NFIA: variants seen among roughly 807,000 people sequenced by gnomAD.
NFIA encodes nuclear factor 1 A-type.
NFIA carries 8 observed loss-of-function variants against 62.8 expected under a neutral mutation model. That is an observed-to-expected ratio of 0.13 (90% CI 0.07 to 0.23). NFIA has a LOEUF of 0.23. Ranked by LOEUF, NFIA falls within the 10% of genes least tolerant of loss-of-function variation. The pLI is 1.00. For synonymous variants in NFIA, 235 were observed against 238.1 expected, an observed-to-expected ratio of 0.99 and a Z score of 0.12; for missense variants, 410 against 642.1, an observed-to-expected ratio of 0.64 and a Z score of 3.91.
intron 9 of NFIA, among the ~76,000 whole-genome samples, chr1:61,424,255 G>A (rs927152028): frequency 2.6e-5 from 4 of 152,024 alleles, no homozygotes; most frequent in Non-Finnish European, 5.9e-5. Flanking sequence ...TTGAGGTTAA[G>A]CAAAAATAGG....
At chr1:61,228,842 A>G (rs545736997) in intron 2 of NFIA, among the ~76,000 whole-genome samples, 2 of 152,234 alleles carry the variant, frequency 1.3e-5, no homozygotes, top group East Asian at 3.9e-4. Context: ...TTTGCTCTCT[A>G]ATGTTTATTA....
intron 6 of NFIA, among the ~76,000 whole-genome samples, chr1:61,361,782 GGTGT>G (rs61410878): frequency 0.18 from 26,030 of 141,982 alleles, 2,525 homozygotes; most frequent in Non-Finnish European, 0.22. Flanking sequence ...TTTGGTAAGA[GGTGT>G]GTGTGTGTGT....
intron 6 of NFIA, among the ~76,000 whole-genome samples, chr1:61,366,803 A>G (rs1050406949): frequency 1.4e-4 from 21 of 152,082 alleles, no homozygotes; most frequent in Admixed American, 6.6e-5. Flanking sequence ...CCCTCCTGTA[A>G]TCCCAGCTAC....
chr1:61,251,439 A>G (rs1656032715), intron 2 of NFIA: 1 of 152,164 alleles, frequency 6.6e-6, no homozygotes, highest in Admixed American at 6.5e-5. Flanking sequence ...AAATCACTTT[A>G]TTTTTATTGC....
chr1:61,101,786 A>T (rs572626181), intron 2 of NFIA, among the ~76,000 whole-genome samples: 1 of 152,326 alleles, frequency 6.6e-6, no homozygotes, highest in African/African-American at 2.4e-5. Context: ...TTATTAAAAG[A>T]AAAGAGATAC....
At chr1:61,326,808 G>T (rs1276519778) in intron 3 of NFIA, among the ~76,000 whole-genome samples, 1 of 152,136 alleles carries the variant, frequency 6.6e-6, no homozygotes, top group Non-Finnish European at 1.5e-5. Flanking sequence ...GGTTAAGCTA[G>T]GAGTAGGAAG....
intron 3 of NFIA, among the ~76,000 whole-genome samples, chr1:61,318,072 T>C (rs72666617): frequency 0.027 from 4,103 of 152,238 alleles, 142 homozygotes; most frequent in Non-Finnish European, 0.036. Flanking sequence ...TATAGATCCC[T>C]TTACAAGAGA....
intron 6 of NFIA, among the ~76,000 whole-genome samples, chr1:61,360,177 A>G (rs1396387026): frequency 6.6e-6 from 1 of 152,202 alleles, no homozygotes; most frequent in African/African-American, 2.4e-5. Context: ...CTCCTGGGGT[A>G]GTCTAATCTT....
chr1:61,383,368 G>A lies in NFIA; in HGVS notation c.1075+3G>A, dbSNP rs776230155. The A allele has an allele frequency of 6.2e-7, 1 of 1,613,730 alleles. No homozygotes were observed. The highest frequency in any genetic ancestry group is 1.1e-5 in the South Asian group (1 of 91,038). ...ACCTGTCATTACAGGACCCAGAGGT[G>A]AGCTGCTCCACAGGCACCCTTGGTT... is the stretch of plus-strand genomic sequence containing the variant. On this transcript the variant is annotated splice_donor_region_variant and intron_variant, in intron 7 of 10. Coordinates refer to ENST00000403491, the MANE Select transcript of NFIA (RefSeq NM_001134673.4).
chr1:61,131,710 G>C (rs1242677710), intron 2 of NFIA, among the ~76,000 whole-genome samples: 2 of 152,072 alleles, frequency 1.3e-5, no homozygotes, highest in African/African-American at 4.8e-5. Context: ...GCTACTCTAT[G>C]ATAACTATGT....
chr1:61,125,899 G>A (rs1402551526), intron 2 of NFIA, among the ~76,000 whole-genome samples: 1 of 152,150 alleles, frequency 6.6e-6, no homozygotes, highest in Non-Finnish European at 1.5e-5. Context: ...TACCCTGAAA[G>A]CCTCTGCTTA....
intron 1 of NFIA, among the ~76,000 whole-genome samples, chr1:61,087,936 T>C (rs1646247422): frequency 6.6e-6 from 1 of 152,164 alleles, no homozygotes; most frequent in South Asian, 2.1e-4. Flanking sequence ...TCAGCAGTTT[T>C]TTTATTTCCG....
At chr1:61,178,437 G>A (rs1650541908) in intron 2 of NFIA, among the ~76,000 whole-genome samples, 1 of 152,064 alleles carries the variant, frequency 6.6e-6, no homozygotes, top group African/African-American at 2.4e-5. Context: ...TTTTCCAAAT[G>A]CCTTAAAAAA....
intron 10 of NFIA, among the ~76,000 whole-genome samples, chr1:61,433,497 T>A (rs1463988932): frequency 6.6e-6 from 1 of 152,072 alleles, no homozygotes; most frequent in Non-Finnish European, 1.5e-5. Flanking sequence ...CCTAGTTTTT[T>A]AACTGTAAAA....
intron 2 of NFIA, among the ~76,000 whole-genome samples, chr1:61,232,495 C>A (rs1162001195): frequency 6.8e-6 from 1 of 147,976 alleles, no homozygotes; most frequent in Non-Finnish European, 1.5e-5. Context: ...CAACTAAATG[C>A]CAAAAATGTT....
At chr1:61,232,863 A>G (rs530133480) in intron 2 of NFIA, among the ~76,000 whole-genome samples, 38 of 152,086 alleles carry the variant, frequency 2.5e-4, no homozygotes, top group African/African-American at 8.7e-4. Flanking sequence ...CGTCACCCCA[A>G]GTTTATTTTT....
At chr1:61,357,832 G>C (rs551100166) in intron 5 of NFIA, among the ~76,000 whole-genome samples, 1 of 152,000 alleles carries the variant, frequency 6.6e-6, no homozygotes, top group Non-Finnish European at 1.5e-5. Context: ...TTCCCAACAC[G>C]CACTCCCAGT....
intron 2 of NFIA, among the ~76,000 whole-genome samples, chr1:61,270,919 G>T (rs562077222): frequency 6.6e-6 from 1 of 152,302 alleles, no homozygotes; most frequent in South Asian, 2.1e-4. Context: ...TTTTAGTTTA[G>T]TTTAGTCAAA....
intron 6 of NFIA, among the ~76,000 whole-genome samples, chr1:61,365,861 A>C (rs965338826): frequency 6.6e-6 from 1 of 152,202 alleles, no homozygotes; most frequent in Non-Finnish European, 1.5e-5. Context: ...GTGAAATATC[A>C]TCATTAGGAT....
Sources: gnomAD v4.1 joint callset for allele counts (sites outside exome capture counted in the v4.1 genomes callset) on GRCh38, gnomAD v4.1.1 for gene constraint, MANE v1.5 for transcripts, NCBI Gene and HGNC (gene_info 2026-07-23, HGNC 2026-07-21) for gene names.